REV3L: variants seen among roughly 807,000 people sequenced by gnomAD.
REV3L encodes DNA polymerase zeta catalytic subunit.
REV3L carries 69 observed loss-of-function variants against 299.4 expected under a neutral mutation model. The observed-to-expected ratio is 0.23, with a 90% CI of 0.19 to 0.28. The LOEUF is 0.28. REV3L is among the 10% of genes least tolerant of loss of function. The pLI, the probability that REV3L is intolerant of heterozygous loss-of-function variation, is 1.00. For synonymous variants in REV3L, 1,238 were observed against 1,271.4 expected (o/e 0.97, Z 0.56); for missense variants, 3,128 against 3,693.8 (o/e 0.85, Z 3.97).
chr6:111,379,371 G>A (rs1780606071), intron 11 of REV3L, among the ~76,000 whole-genome samples: 2 of 152,084 alleles, frequency 1.3e-5, no homozygotes, highest in African/African-American at 4.8e-5. Context: ...TTAAAGGAGA[G>A]GCATACTCAG....
chr6:111,414,216 A>C (rs1784538637), intron 2 of REV3L, among the ~76,000 whole-genome samples: 1 of 152,196 alleles, frequency 6.6e-6, no homozygotes, highest in Admixed American at 6.5e-5. Context: ...GCCCTACTTA[A>C]AATACCTTAT....
intron 1 of REV3L, among the ~76,000 whole-genome samples, chr6:111,480,807 G>C (rs1227207327): frequency 6.7e-6 from 1 of 149,632 alleles, no homozygotes; most frequent in African/African-American, 2.4e-5. Context: ...AACCCCAATG[G>C]GGGTTTTTAG....
intron 1 of REV3L, among the ~76,000 whole-genome samples, chr6:111,427,410 T>C (rs956296942): frequency 6.6e-6 from 1 of 152,124 alleles, no homozygotes; most frequent in African/African-American, 2.4e-5. Flanking sequence ...AATTTTAAAA[T>C]GGACAGAGAC....
At chr6:111,300,399 G>A (rs1041667071) in intron 31 of REV3L, among the ~76,000 whole-genome samples, 3 of 152,106 alleles carry the variant, frequency 2.0e-5, no homozygotes, top group African/African-American at 7.2e-5. Context: ...TAATTCCTAA[G>A]ATTAACTTTC....
intron 20 of REV3L, among the ~76,000 whole-genome samples, chr6:111,346,479 A>G (rs918384071): frequency 1.3e-5 from 2 of 152,130 alleles, no homozygotes; most frequent in East Asian, 1.9e-4. Context: ...AAACAAACAA[A>G]ATTTATGATT....
At chr6:111,328,168 T>C (rs1775032478) in intron 25 of REV3L, among the ~76,000 whole-genome samples, 1 of 152,264 alleles carries the variant, frequency 6.6e-6, no homozygotes, top group South Asian at 2.1e-4. Flanking sequence ...GTCTTTCAAC[T>C]GTCACTATCA....
Position 111,315,334 on chromosome 6 carries a change from A to G in REV3L, c.8399T>C (p.Ile2800Thr). Residue 2800 changes from isoleucine to threonine, a missense_variant, in exon 27 of 32, where the codon ATT becomes ACT. Around this residue, in one of 9 missense-constraint regions of REV3L, gnomAD observed 37 missense variants for 100.1 expected, o/e 0.37. Transcript: ENST00000368802. ...TACAGCTTCGGCAATTTCCTGACCA[A>G]TCTTAAAAGACTGCTCCTTAGTGGC... ...KGATKEQSFKIGQEIAEAVTA... is the reference protein window; with the variant it reads ...KGATKEQSFKTGQEIAEAVTA... The G allele has an allele frequency of 6.2e-7, 1 of 1,614,096 alleles. No homozygotes were observed. Among genetic ancestry groups the G allele is most frequent in the Non-Finnish European group, 8.5e-7 (1 of 1,179,990 alleles).
intron 1 of REV3L, among the ~76,000 whole-genome samples, chr6:111,443,365 C>T (rs1044397204): frequency 6.6e-6 from 1 of 152,058 alleles, no homozygotes; most frequent in African/African-American, 2.4e-5. Flanking sequence ...CCAGGCTGGT[C>T]TCAAACTCCT....
chr6:111,476,341 G>A (rs1444058844), intron 1 of REV3L, among the ~76,000 whole-genome samples: 2 of 152,072 alleles, frequency 1.3e-5, no homozygotes, highest in Non-Finnish European at 2.9e-5. Context: ...TTTTTTTGTA[G>A]AGATAGCGTC....
intron 4 of REV3L, among the ~76,000 whole-genome samples, chr6:111,402,503 C>T (rs1783192505): frequency 6.6e-6 from 1 of 152,156 alleles, no homozygotes; most frequent in Admixed American, 6.5e-5. Context: ...TCCCTTTTGG[C>T]CTGCACTTCT....
At chr6:111,430,897 T>A in intron 1 of REV3L, 1 of 1,605,342 alleles carries the variant, frequency 6.2e-7, no homozygotes, top group Non-Finnish European at 8.5e-7. Context: ...ATCCTGTGGA[T>A]CTCATTGTAG....
intron 18 of REV3L, chr6:111,354,010 C>T (rs1331797326): frequency 1.3e-5 from 2 of 152,152 alleles, no homozygotes; most frequent in Non-Finnish European, 2.9e-5. Flanking sequence ...ACAACAGAAC[C>T]CACACAGTTG....
chr6:111,313,641 CGTG>C, intron 27 of REV3L, 152 bp from the exon 28 acceptor site: 1 of 649,620 alleles, frequency 1.5e-6, no homozygotes. Flanking sequence ...TGATATAACA[CGTG>C]GGAGCAAAAT....
At chr6:111,310,158 C>A in intron 29 of REV3L, 59 bp from the exon 30 acceptor site, 1 of 1,456,436 alleles carries the variant, frequency 6.9e-7, no homozygotes, top group Non-Finnish European at 9.1e-7. Flanking sequence ...CCATCTTTCT[C>A]ACAAATTAAG....
chr6:111,375,055 G>C lies in REV3L; in HGVS notation c.3300C>G (p.Asp1100Glu), dbSNP rs2115084052. The C allele has an allele frequency of 6.2e-7, 1 of 1,613,982 alleles. No homozygotes were observed. The highest frequency in any genetic ancestry group is 2.2e-5 in the East Asian group (1 of 44,878). The stretch of plus-strand genomic sequence containing the variant: ...TAGACATAACATCACTATAATTCAG[G>C]TCACAATCTTCGGTTTCAGCATTGT... ...PSYNAETEDC[D>E]LNYSDVMSKL... The change falls in exon 13 of 32, where the codon GAC becomes GAG. Residue 1100 changes from aspartate (D) to glutamate (E), a missense_variant. By Grantham distance (45) the Asp-to-Glu change is conservative. This residue lies in a region of REV3L where 2,409 missense variants were observed against 2,611.8 expected (regional missense o/e 0.92). Coordinates refer to ENST00000368802, the MANE Select transcript of REV3L (RefSeq NM_001372078.1).
At chr6:111,475,666 T>C (rs1440731054) in intron 1 of REV3L, among the ~76,000 whole-genome samples, 1 of 152,204 alleles carries the variant, frequency 6.6e-6, no homozygotes, top group Non-Finnish European at 1.5e-5. Flanking sequence ...TATTTTCTAG[T>C]TCTTTGTATT....
In REV3L at chr6:111,299,972, A is replaced by G. The variant is rs1158167174; in HGVS notation, c.*44T>C. Reference sequence around the variant, plus strand: ...CACCATGCACAACAGTTTAGTGGTAAGCACTGAAAAAAATAGCACCTGTAA... The same window carrying G: ...CACCATGCACAACAGTTTAGTGGTAGGCACTGAAAAAAATAGCACCTGTAA... On this transcript the variant is annotated 3_prime_UTR_variant, in exon 32 of 32. Coordinates refer to ENST00000368802, the MANE Select transcript of REV3L (RefSeq NM_001372078.1). 1.3e-6 allele frequency: 2 copies of G among 1,578,656 alleles called. No homozygotes were observed. The highest frequency in any genetic ancestry group is 1.8e-5 in the Admixed American group (1 of 55,196).
intron 18 of REV3L, among the ~76,000 whole-genome samples, chr6:111,354,788 T>C (rs1304678756): frequency 1.3e-5 from 2 of 152,022 alleles, no homozygotes; most frequent in Non-Finnish European, 2.9e-5. Context: ...CCCAAAACTG[T>C]GGATAAAATA....
intron 1 of REV3L, 70 bp downstream of exon 1, chr6:111,482,680 G>GCGCGGCGGGGAGGGCGGC (rs1793903769): frequency 2.0e-6 from 2 of 1,011,824 alleles, no homozygotes; most frequent in African/African-American, 3.5e-5. Context: ...GTGCGCGTGT[G>GCGCGGCGGGGAGGGCGGC]CGCGGCGGGG....
Sources: allele counts gnomAD v4.1 joint callset (sites outside exome capture counted in the v4.1 genomes callset), GRCh38; gene constraint gnomAD v4.1.1; regional missense constraint gnomAD v4.1.1; transcripts MANE v1.5; gene names NCBI Gene and HGNC (gene_info 2026-07-23, HGNC 2026-07-21).